The following FRYL variants were observed in gnomAD, a reference collection of about 807,000 sequenced individuals.
FRYL encodes the protein protein furry homolog-like.
Under a neutral mutation model 351.2 loss-of-function variants are expected in FRYL, and 150 were observed. The ratio of observed to expected loss-of-function variants is 0.43; its 90% CI spans 0.37 to 0.49. FRYL has a LOEUF of 0.49. Among genes scored for constraint, FRYL ranks in the 20% least tolerant of loss-of-function variants. The pLI is 0.00. For missense variants in FRYL, 3,036 were observed against 3,619.3 expected, an observed-to-expected ratio of 0.84 and a Z score of 4.13; for synonymous variants, 1,153 against 1,257.1, an observed-to-expected ratio of 0.92 and a Z score of 1.75.
intron 47 of FRYL, among the ~76,000 whole-genome samples, chr4:48,537,230 A>G (rs1729081536): frequency 6.6e-6 from 1 of 152,210 alleles, no homozygotes; most frequent in African/African-American, 2.4e-5. Context: ...TTTTTAAGGA[A>G]TGATTTTAAA....
At chr4:48,766,169 T>C (rs1324991882) in intron 1 of FRYL, among the ~76,000 whole-genome samples, 1 of 152,202 alleles carries the variant, frequency 6.6e-6, no homozygotes, top group East Asian at 1.9e-4. Flanking sequence ...CTCAGAGAGA[T>C]ATCTGTACTC....
At chr4:48,720,851 G>A (rs910261940) in intron 1 of FRYL, among the ~76,000 whole-genome samples, 1 of 152,184 alleles carries the variant, frequency 6.6e-6, no homozygotes, top group Non-Finnish European at 1.5e-5. Flanking sequence ...CAGGGACACA[G>A]TTTAAACATA....
chr4:48,617,346 GATT>G, intron 7 of FRYL, among the ~76,000 whole-genome samples: 1 of 148,058 alleles, frequency 6.8e-6, no homozygotes. Context: ...AAAAAAAAAA[GATT>G]TTTTTTTTTT....
chr4:48,511,357 T>A (rs1722432096), intron 57 of FRYL, among the ~76,000 whole-genome samples: 2 of 152,152 alleles, frequency 1.3e-5, no homozygotes, highest in Admixed American at 1.3e-4. Context: ...TTTCAGTAAA[T>A]GTAGTTTACT....
At chr4:48,619,587 C>T (rs773414430) in intron 6 of FRYL, among the ~76,000 whole-genome samples, 4 of 152,126 alleles carry the variant, frequency 2.6e-5, no homozygotes. Context: ...AAACATGGCC[C>T]ACCGCAGCTT....
chr4:48,523,146 C>T (rs755188112), intron 53 of FRYL, 42 bp from the exon 54 acceptor site: 2 of 1,329,128 alleles, frequency 1.5e-6, no homozygotes, highest in Non-Finnish European at 2.2e-6. Flanking sequence ...CAAATACATG[C>T]TTCTAAATGT....
At chr4:48,681,762 T>C (rs998683982) in intron 3 of FRYL, among the ~76,000 whole-genome samples, 6 of 152,042 alleles carry the variant, frequency 3.9e-5, no homozygotes, top group Non-Finnish European at 7.4e-5. Flanking sequence ...ACCAAAAAAA[T>C]TGATAATTTT....
intron 1 of FRYL, among the ~76,000 whole-genome samples, chr4:48,775,959 G>A (rs1775969185): frequency 6.6e-6 from 1 of 150,914 alleles, no homozygotes; most frequent in African/African-American, 2.4e-5. Flanking sequence ...AAAATGATTA[G>A]TTTTCCCCAC....
intron 1 of FRYL, among the ~76,000 whole-genome samples, chr4:48,764,613 A>C (rs1774763761): frequency 6.6e-6 from 1 of 152,204 alleles, no homozygotes; most frequent in African/African-American, 2.4e-5. Context: ...AAAGAAAACA[A>C]TCCTGTTTAC....
chr4:48,621,595 A>T (rs567605193), intron 5 of FRYL, among the ~76,000 whole-genome samples: 3 of 152,352 alleles, frequency 2.0e-5, no homozygotes, highest in African/African-American at 7.2e-5. Flanking sequence ...TTCTGAAATC[A>T]GTATATAATT....
intron 60 of FRYL, among the ~76,000 whole-genome samples, chr4:48,503,872 C>T (rs1468374012): frequency 2.0e-5 from 3 of 152,150 alleles, no homozygotes; most frequent in Admixed American, 2.0e-4. Context: ...TTAGTTCATA[C>T]AGTTTATTTC....
At position 48,579,141 on chromosome 4, in the gene FRYL, T is replaced by C. The variant is rs560682735; in HGVS notation, c.2360A>G (p.His787Arg). 1.3e-5 allele frequency: 21 copies of C among 1,613,922 alleles called. 1 individual carries two copies. The South Asian group carries it at 2.2e-4, about 17-fold the overall frequency. Reference sequence around the variant, plus strand: ...GGTCACATGTGCAAATATCCATATATGTGATGGACTAATCACATCAAACTG... The same window carrying C: ...GGTCACATGTGCAAATATCCATATACGTGATGGACTAATCACATCAAACTG... ...SHQFDVISPS[H>R]IWIFAHVTQG... Residue 787 changes from histidine (H) to arginine (R), a missense_variant, in exon 23 of 64, where the codon CAT becomes CGT. His to Arg is a conservative substitution (Grantham distance 29). Around this residue, in one of 7 missense-constraint regions of FRYL, gnomAD observed 492 missense variants for 551.5 expected, o/e 0.89. Coordinates refer to ENST00000358350, the MANE Select transcript of FRYL (RefSeq NM_015030.2).
intron 6 of FRYL, among the ~76,000 whole-genome samples, chr4:48,620,064 A>C (rs1750337934): frequency 6.6e-6 from 1 of 152,200 alleles, no homozygotes; most frequent in African/African-American, 2.4e-5. Context: ...TATCCTTCTC[A>C]CAAATTTAAG....
intron 1 of FRYL, among the ~76,000 whole-genome samples, chr4:48,749,631 T>C (rs1461007810): frequency 6.6e-6 from 1 of 152,156 alleles, no homozygotes; most frequent in Non-Finnish European, 1.5e-5. Flanking sequence ...GCCTCATTAC[T>C]CACACCTGGG....
chr4:48,636,172 T>C (rs979574023), intron 3 of FRYL, among the ~76,000 whole-genome samples: 7 of 152,140 alleles, frequency 4.6e-5, no homozygotes, highest in African/African-American at 1.7e-4. Context: ...TTTTAAACAA[T>C]GACCTGTTTG....
chr4:48,505,659 G>A, intron 59 of FRYL, 44 bp from the exon 60 acceptor site: 3 of 1,268,768 alleles, frequency 2.4e-6, no homozygotes, highest in Non-Finnish European at 3.4e-6. Flanking sequence ...CAGTAAAATG[G>A]GTAGTGTAAC....
Position 48,750,335 on chromosome 4 carries a change from C to T in FRYL, c.-384+29743G>A, listed in dbSNP as rs62310876. On this transcript the variant is annotated intron_variant, in intron 1 of 63. Coordinates refer to ENST00000358350, the MANE Select transcript of FRYL (RefSeq NM_015030.2). ...AATCTGCCAGGCGTGGTGGCATGTA[C>T]CTATAGTCCCACCTACTTGGGAGGC... is the stretch of plus-strand genomic sequence containing the variant. Among the ~76,000 whole-genome samples the T allele has an allele frequency of 8.4e-3, 1,281 of 151,778 alleles. 22 individuals are homozygous for T. The highest frequency in any genetic ancestry group is 0.036 in the Admixed American group (545 of 15,240).
intron 1 of FRYL, among the ~76,000 whole-genome samples, chr4:48,754,409 T>C (rs764944095): frequency 2.0e-4 from 30 of 152,248 alleles, no homozygotes; most frequent in Non-Finnish European, 1.0e-4. Context: ...GGGTTGTTTC[T>C]ACATTTTAGC....
chr4:48,505,907 G>C (rs920517042), intron 59 of FRYL: 9 of 285,476 alleles, frequency 3.2e-5, no homozygotes, highest in Non-Finnish European at 5.2e-5. Flanking sequence ...CATTTTGCAG[G>C]TTTTATGAAA....
Sources: gnomAD v4.1 joint callset for allele counts (sites outside exome capture counted in the v4.1 genomes callset) on GRCh38, gnomAD v4.1.1 for gene constraint, gnomAD v4.1.1 regional missense constraint, MANE v1.5 for transcripts, NCBI Gene and HGNC (gene_info 2026-07-23, HGNC 2026-07-21) for gene names.